MCM10: variants seen among roughly 807,000 people sequenced by gnomAD.
The protein encoded by MCM10 is minichromosome maintenance 10 replication initiation factor.
Under a neutral mutation model 109.9 loss-of-function variants are expected in MCM10, and 91 were observed. That is an observed-to-expected ratio of 0.83 (90% confidence interval 0.70 to 0.99). The LOEUF is 0.99. Ranked by LOEUF, MCM10 falls within the 50% of genes least tolerant of loss-of-function variation. The pLI is 0.00. For synonymous variants in MCM10, 380 were observed against 387.2 expected (o/e 0.98, Z 0.22); for missense variants, 1,077 against 1,061.2 (o/e 1.01, Z -0.21).
rs1451480129 is a variant in MCM10 at position 13,169,095 on chromosome 10, T to C, written c.8-1827T>C. Among the ~76,000 whole-genome samples, 3 of 152,186 alleles carry C rather than the reference T, an allele frequency of 2.0e-5. 1 individual carries two copies. The East Asian group carries it at 5.8e-4, about 29-fold the overall frequency. ...GTGTACAGTAAAGAAACAGACAATATGGCGCTGGCCAGGTAGAGAACCACC... is the reference window on the plus strand; with the variant it reads ...GTGTACAGTAAAGAAACAGACAATACGGCGCTGGCCAGGTAGAGAACCACC... On this transcript the variant is annotated intron_variant, in intron 2 of 19. Transcript: ENST00000378714.
Position 13,195,121 on chromosome 10 carries a change from C to T in MCM10, c.1826C>T (p.Thr609Ile). 1 of 1,614,200 alleles carries T rather than the reference C, an allele frequency of 6.2e-7. No homozygotes were observed. The highest frequency in any genetic ancestry group is 8.5e-7 in the Non-Finnish European group (1 of 1,180,036). The change falls in exon 14 of 20, where the codon ACA becomes ATA. Residue 609 changes from threonine (T) to isoleucine (I), a missense_variant. Physicochemically the swap from Thr to Ile is moderately conservative, Grantham distance 89. Transcript: ENST00000378714. ...CAGCCCCCTGCTCAGCCTCCACGGA[C>T]AGGATCCGAGTTCCCCAGGCTGGAG... is the stretch of plus-strand genomic sequence containing the variant. ...SRQPPAQPPR[T>I]GSEFPRLEGA...
At chr10:13,180,331 G>A in intron 6 of MCM10, 111 bp from the exon 7 acceptor site, 2 of 784,210 alleles carry the variant, frequency 2.6e-6, no homozygotes, top group Admixed American at 3.2e-5. Context: ...AGCTTCCCAA[G>A]AACAGGTACT....
In MCM10 at chr10:13,188,962, T is replaced by C; in HGVS notation, c.1297T>C (p.Phe433Leu). 6.2e-7 allele frequency: 1 copy of C among 1,614,210 alleles called. No individual in the cohort carries two copies. The highest frequency in any genetic ancestry group is 8.5e-7 in the Non-Finnish European group (1 of 1,180,028). ...AAAGCGTGCGGATCTGCAGTCCACC[T>C]TCTCTGGAGGACGAATTCCAAAGAA... ...SAKRADLQST[F>L]SGGRIPKKFA... Residue 433 changes from phenylalanine (F) to leucine (L), a missense_variant, in exon 10 of 20, where the codon TTC (phenylalanine) becomes CTC (leucine). Phe to Leu is a conservative substitution (Grantham distance 22, BLOSUM62 0). Transcript: ENST00000378714.
rs1222672502 is a variant in MCM10, at chr10:13,197,725, G to A, written c.2077G>A (p.Val693Met). The A allele has an allele frequency of 1.2e-6, 2 of 1,613,616 alleles. No homozygotes were observed. The highest frequency in any genetic ancestry group is 1.7e-5 in the Admixed American group (1 of 59,882). The change falls in exon 15 of 20, where the codon GTG (valine) becomes ATG (methionine). Residue 693 changes from valine to methionine, a missense_variant. Transcript: ENST00000378714. Reference protein sequence around the residue: ...KQKDPQDILEVKERVEKNTMF... With the variant: ...KQKDPQDILEMKERVEKNTMF... ...AAAGGACCCTCAGGACATCCTGGAG[G>A]TGAAGGAACGTGTAGAAAAAAACAC...
Position 13,192,353 on chromosome 10 carries a change from G to A in MCM10, c.1615G>A (p.Ala539Thr), listed in dbSNP as rs772264671. 2.9e-5 allele frequency: 47 copies of A among 1,612,708 alleles called. 2 individuals carry two copies. The South Asian group carries it at 4.5e-4, about 15-fold the overall frequency. ...ARNLKQHLAK[A>T]TASGIMGSPK... Reference sequence around the variant, plus strand: ...GAACTTAAAACAACATTTAGCCAAAGCCACAGCTTCAGGTACCATCAGCTG... The same window carrying A: ...GAACTTAAAACAACATTTAGCCAAAACCACAGCTTCAGGTACCATCAGCTG... Residue 539 changes from alanine to threonine, a missense_variant, in exon 12 of 20, where the codon GCC (alanine) becomes ACC (threonine). By Grantham distance (58) the Ala-to-Thr change is moderately conservative. Coordinates refer to ENST00000378714, the MANE Select transcript of MCM10 (RefSeq NM_018518.5).
At chr10:13,199,703 T>C (rs1246611465) in intron 16 of MCM10, among the ~76,000 whole-genome samples, 1 of 152,242 alleles carries the variant, frequency 6.6e-6, no homozygotes, top group African/African-American at 2.4e-5. Flanking sequence ...GATTCATAAA[T>C]GCAGAGGCAG....
intron 8 of MCM10, among the ~76,000 whole-genome samples, chr10:13,183,366 G>A (rs970101928): frequency 3.3e-5 from 5 of 152,096 alleles, no homozygotes; most frequent in African/African-American, 1.2e-4. Flanking sequence ...GCTGCGGTGG[G>A]AGGTTGAGGC....
intron 9 of MCM10, among the ~76,000 whole-genome samples, chr10:13,186,948 C>T (rs1429067793): frequency 6.6e-6 from 1 of 152,148 alleles, no homozygotes; most frequent in Non-Finnish European, 1.5e-5. Flanking sequence ...GCTGAGATCG[C>T]ACTATTATAC....
chr10:13,199,583 T>C (rs572088145), intron 16 of MCM10, among the ~76,000 whole-genome samples: 38 of 152,098 alleles, frequency 2.5e-4, no homozygotes, highest in Non-Finnish European at 7.4e-5. Context: ...ATAAAATTCA[T>C]AGATAATATG....
chr10:13,172,976 C>T lies in MCM10; in HGVS notation c.592+211C>T, dbSNP rs148542679. On this transcript the variant is annotated intron_variant, in intron 5 of 19. Transcript: ENST00000378714. This position sits in a 1 kb window ranked among gnomAD's most constrained non-coding sequence, Gnocchi z 5.2. ...AGAAAATCCTTAGGGCCAAGGCACGCGGCAGGAAGATTGCTTGATCCTAGG... is the reference window on the plus strand; with the variant it reads ...AGAAAATCCTTAGGGCCAAGGCACGTGGCAGGAAGATTGCTTGATCCTAGG... 7.8e-4 allele frequency among the ~76,000 whole-genome samples: 118 copies of T among 152,218 alleles called. No homozygotes were observed. The highest frequency in any genetic ancestry group is 2.6e-3 in the African/African-American group (107 of 41,546).
At chr10:13,189,143 G>GT in intron 10 of MCM10, 63 bp downstream of exon 10, 1 of 1,528,046 alleles carries the variant, frequency 6.5e-7, no homozygotes, top group Non-Finnish European at 9.1e-7. Context: ...AAACCTACTG[G>GT]TTGTACCTTC....
chr10:13,192,227 C>T, intron 11 of MCM10, 28 bp from the exon 12 acceptor site: 1 of 1,473,136 alleles, frequency 6.8e-7, no homozygotes, highest in Middle Eastern at 1.8e-4. Context: ...AATGTGAATC[C>T]TCTAAAGCTG....
rs530751100 is a variant in MCM10 at position 13,175,740 on chromosome 10, A to C, written c.764+59A>C. 9 of 1,225,458 alleles carry C rather than the reference A, an allele frequency of 7.3e-6. No individual in the cohort carries two copies. The African/African-American group carries it at 1.4e-4, about 18-fold the overall frequency. The allele number at this position is 1,225,458 out of a possible 1,614,324, so 75.9% of individuals were successfully genotyped here. ...CGGCATAGCTTTTTGTGCCTCTCGGAGTCCTTTAGAAGTAGTGTGTTTATA... is the reference window on the plus strand; with the variant it reads ...CGGCATAGCTTTTTGTGCCTCTCGGCGTCCTTTAGAAGTAGTGTGTTTATA... On this transcript the variant is annotated intron_variant, in intron 6 of 19. Coordinates refer to ENST00000378714, the MANE Select transcript of MCM10 (RefSeq NM_018518.5).
At chr10:13,199,940 C>T (rs1236419012) in intron 16 of MCM10, among the ~76,000 whole-genome samples, 1 of 152,140 alleles carries the variant, frequency 6.6e-6, no homozygotes, top group African/African-American at 2.4e-5. Flanking sequence ...CATACCTCAG[C>T]CTCCTGAGTA....
intron 1 of MCM10, among the ~76,000 whole-genome samples, chr10:13,161,821 G>C (rs542669194): frequency 2.4e-4 from 37 of 152,374 alleles, no homozygotes; most frequent in African/African-American, 8.2e-4. Flanking sequence ...GTCTACTAAG[G>C]AATCGGGTTC....
chr10:13,193,453 T>C (rs1371921874), intron 13 of MCM10, among the ~76,000 whole-genome samples: 1 of 152,072 alleles, frequency 6.6e-6, no homozygotes, highest in Non-Finnish European at 1.5e-5. Context: ...TCCGGAGGCT[T>C]CTCAGCCTTG....
At chr10:13,170,354 A>C (rs1191856427) in intron 2 of MCM10, among the ~76,000 whole-genome samples, 1 of 149,042 alleles carries the variant, frequency 6.7e-6, no homozygotes, top group Non-Finnish European at 1.5e-5. Flanking sequence ...TATTTTTTAT[A>C]TAGTTTGTAT....
At chr10:13,170,774 G>A in intron 2 of MCM10, 148 bp from the exon 3 acceptor site, 1 of 622,232 alleles carries the variant, frequency 1.6e-6, no homozygotes, top group Non-Finnish European at 2.8e-6. Flanking sequence ...CTGAGGTTTG[G>A]AGTATGGTTG....
At chr10:13,166,814 T>A (rs1415068090) in intron 2 of MCM10, among the ~76,000 whole-genome samples, 3 of 151,712 alleles carry the variant, frequency 2.0e-5, no homozygotes, top group Non-Finnish European at 4.4e-5. Flanking sequence ...CAGTGCTGAA[T>A]GCTTGTTTGT....
Sources: allele counts gnomAD v4.1 joint callset (sites outside exome capture counted in the v4.1 genomes callset), GRCh38; gene constraint gnomAD v4.1.1; non-coding constraint Gnocchi (gnomAD v3.1); transcripts MANE v1.5; gene names NCBI Gene and HGNC (gene_info 2026-07-23, HGNC 2026-07-21).